Variants in FAAP20 observed in about 807,000 individuals in gnomAD.
FAAP20 encodes the protein FA core complex associated protein 20, also known as Fanconi anemia core complex-associated protein 20.
FAAP20 carries 12 observed loss-of-function variants against 16.2 expected under a neutral mutation model. That is an observed-to-expected ratio of 0.74 (90% CI 0.48 to 1.20). The LOEUF is 1.20. Ranked by LOEUF, FAAP20 falls within the 50% of genes most tolerant of loss-of-function variation. The probability of loss-of-function intolerance (pLI) is 0.00; values close to 1 mark genes in which losing one functional copy is unlikely to be tolerated. For missense variants in FAAP20, 288 were observed against 245.8 expected (o/e 1.17, Z -1.15); for synonymous variants, 141 against 110.7 (o/e 1.27, Z -1.72).
chr1:2,211,250 A>T (rs1432067181), downstream of FAAP20, among the ~76,000 whole-genome samples: 2 of 109,204 alleles, frequency 1.8e-5, no homozygotes, highest in Non-Finnish European at 1.8e-5. Context: ...TTTTTTTGAG[A>T]CGGAGTTTCG....
chr1:2,207,615 A>AGAGCAGACGCGGCTGCAG (rs1553186869), downstream of FAAP20: 1 of 152,278 alleles, frequency 6.6e-6, no homozygotes, highest in Admixed American at 6.5e-5. Context: ...GAGATGCAGC[A>AGAGCAGACGCGGCTGCAG]GAGCAGACGC....
chr1:2,197,955 G>A, upstream of FAAP20: 1 of 1,264,722 alleles, frequency 7.9e-7, no homozygotes, highest in Non-Finnish European at 1.0e-6. Context: ...AAGGGGACCG[G>A]CCACTCAAGA....
At chr1:2,192,656 CAGGCTGGAGTGCAGTGGTGCAAT>C in intron 3 of FAAP20, 1 of 1,188,760 alleles carries the variant, frequency 8.4e-7, no homozygotes, top group Non-Finnish European at 1.1e-6. Context: ...CTCTGTCACC[CAGGCTGGAGTGCAGTGGTGCAAT>C]CATACTTCAC....
chr1:2,198,596 C>T (rs975148167), upstream of FAAP20: 155 of 1,077,608 alleles, frequency 1.4e-4, no homozygotes, highest in Non-Finnish European at 1.7e-4. Flanking sequence ...GGCTGGCAGG[C>T]CTAAGCAGCC....
At chr1:2,197,062 C>T (rs747852577), upstream of FAAP20, among the ~76,000 whole-genome samples, 5 of 152,142 alleles carry the variant, frequency 3.3e-5, no homozygotes, top group Admixed American at 6.5e-5. Context: ...TGGGACCGGC[C>T]GGCCTCTGGA....
chr1:2,210,468 C>T (rs1267859948), downstream of FAAP20, among the ~76,000 whole-genome samples: 1 of 152,190 alleles, frequency 6.6e-6, no homozygotes, highest in African/African-American at 2.4e-5. Context: ...CCCTCCACGC[C>T]TGCTTTGGGG....
chr1:2,199,294 T>A, upstream of FAAP20: 2 of 1,061,446 alleles, frequency 1.9e-6, no homozygotes, highest in Admixed American at 5.2e-5. This position sits in a 1 kb window ranked among gnomAD's most constrained non-coding sequence, Gnocchi z 4.5. Context: ...CATCCCCACG[T>A]GTCGGGCTCA....
chr1:2,201,464 C>T (rs949871125), upstream of FAAP20, among the ~76,000 whole-genome samples: 3 of 152,056 alleles, frequency 2.0e-5, no homozygotes, highest in Non-Finnish European at 4.4e-5. Flanking sequence ...TCACACCTGT[C>T]AAATCTCAGC....
upstream of FAAP20, chr1:2,199,012 C>T (rs1688937050): frequency 1.6e-6 from 2 of 1,257,232 alleles, no homozygotes; most frequent in South Asian, 1.3e-5. The surrounding 1 kb of genome is among the most constrained non-coding windows in gnomAD (Gnocchi z 4.5). Context: ...AGGGGTGTGC[C>T]TTGGTGCCCT....
At chr1:2,203,458 C>T (rs531480620), upstream of FAAP20, 3,051 of 985,834 alleles carry the variant, frequency 3.1e-3, 7 homozygotes, top group Non-Finnish European at 3.5e-3. Context: ...CCCTGCTGCT[C>T]CAGCTCAGTC....
chr1:2,198,841 G>A (rs1308382782), upstream of FAAP20: 1 of 1,289,788 alleles, frequency 7.8e-7, no homozygotes, highest in Non-Finnish European at 1.0e-6. Flanking sequence ...CTGGCCCGTG[G>A]ATGCCAGGCA....
intron 3 of FAAP20, chr1:2,190,878 A>C: frequency 5.8e-6 from 1 of 171,188 alleles, no homozygotes; most frequent in Non-Finnish European, 1.3e-5. Flanking sequence ...GCGCCGTTTT[A>C]CCCTTGGGCT....
downstream of FAAP20, chr1:2,185,583 A>G (rs1687467974): frequency 2.7e-5 from 19 of 702,724 alleles, no homozygotes; most frequent in South Asian, 2.9e-4. Context: ...TTCTTCCTGC[A>G]GAGTGTGTCC....
At chr1:2,211,055 G>A (rs895566755), downstream of FAAP20, among the ~76,000 whole-genome samples, 2 of 152,072 alleles carry the variant, frequency 1.3e-5, no homozygotes, top group African/African-American at 4.8e-5. Context: ...AGGGTGTTCT[G>A]ACAGACTCAC....
rs1444127498 is a variant in FAAP20 at position 2,193,777 on chromosome 1, A to C, written c.332T>G (p.Leu111Arg). The change falls in exon 3 of 4, where the codon CTG (leucine) becomes CGG (arginine). Residue 111 changes from leucine (L) to arginine (R), a missense_variant. Physicochemically the swap from Leu to Arg is moderately radical, Grantham distance 102. Coordinates refer to ENST00000378546, the MANE Select transcript of FAAP20 (RefSeq NM_182533.4). ...YRLLHGAGGHLESPARSLPQR... is the reference protein window; with the variant it reads ...YRLLHGAGGHRESPARSLPQR... The stretch of plus-strand genomic sequence containing the variant: ...GGGCAGGGACCTGGCGGGGGATTCC[A>C]GGTGCCCTCCTGCCCCGTGAAGCAG... 1 of 1,595,798 alleles carries C rather than the reference A, an allele frequency of 6.3e-7. No homozygotes were observed. The highest frequency in any genetic ancestry group is 1.9e-5 in the Admixed American group (1 of 53,634).
intron 3 of FAAP20, chr1:2,191,912 G>A (rs1228321348): frequency 2.0e-6 from 2 of 985,346 alleles, no homozygotes; most frequent in Admixed American, 6.1e-5. Flanking sequence ...AGGACCACAA[G>A]AAGATCTTAA....
At chr1:2,185,574 T>C, downstream of FAAP20, 1 of 707,588 alleles carries the variant, frequency 1.4e-6, no homozygotes. Flanking sequence ...TTCCTGTTGT[T>C]CTTCCTGCAG....
At chr1:2,189,529 G>A, downstream of FAAP20, 2 of 631,772 alleles carry the variant, frequency 3.2e-6, no homozygotes. Context: ...CCAAACGTCA[G>A]AAAGAAAAGC....
chr1:2,186,483 A>T (rs1168722973), downstream of FAAP20, among the ~76,000 whole-genome samples: 2 of 127,400 alleles, frequency 1.6e-5, no homozygotes, highest in African/African-American at 3.0e-5. Flanking sequence ...CCGGCCCGAG[A>T]CCCTGGACAC....
Sources: allele counts gnomAD v4.1 joint callset (sites outside exome capture counted in the v4.1 genomes callset), GRCh38; gene constraint gnomAD v4.1.1; non-coding constraint Gnocchi (gnomAD v3.1); transcripts MANE v1.5; gene names NCBI Gene and HGNC (gene_info 2026-07-23, HGNC 2026-07-21).